Variants in HIRA observed in about 807,000 individuals in gnomAD.
HIRA encodes the protein histone cell cycle regulator.
A neutral mutation model predicts 126.6 loss-of-function variants in HIRA; 13 were observed. The ratio of observed to expected loss-of-function variants is 0.10; its 90% CI spans 0.07 to 0.16. HIRA has a LOEUF of 0.16. Ranked by LOEUF, HIRA falls within the 10% of genes least tolerant of loss-of-function variation. HIRA has a pLI of 1.00. For synonymous variants in HIRA, 511 were observed against 520.0 expected (o/e 0.98, Z 0.24); for missense variants, 834 against 1,314.4 (o/e 0.63, Z 5.65).
intron 15 of HIRA, among the ~76,000 whole-genome samples, chr22:19,364,568 G>A (rs892863999): frequency 6.6e-6 from 1 of 152,100 alleles, no homozygotes; most frequent in Non-Finnish European, 1.5e-5. Context: ...TTGGTGATCT[G>A]CCATTAGTGA....
chr22:19,399,847 T>C (rs2089253477), intron 5 of HIRA, among the ~76,000 whole-genome samples: 2 of 152,260 alleles, frequency 1.3e-5, no homozygotes, highest in Admixed American at 1.3e-4. Flanking sequence ...GTTTTTGGAC[T>C]GATTTGCTGA....
chr22:19,378,060 G>A lies in HIRA; in HGVS notation c.1422C>T (p.Phe474=). 6.4e-7 allele frequency: 1 copy of A among 1,571,744 alleles called. No individual in the cohort carries two copies. The highest frequency in any genetic ancestry group is 2.3e-5 in the East Asian group (1 of 43,576). The change falls in exon 14 of 25, where the codon TTC becomes TTT. Residue 474 remains phenylalanine, a synonymous_variant. Coordinates refer to ENST00000263208, the MANE Select transcript of HIRA (RefSeq NM_003325.4). ...LCIAQLDTGD[F]STAFFNSIPL... ...GGATGCTGTTAAAGAATGCCGTGGA[G>A]AAGTCCCTGTCATCAAGTAAGAACA...
At chr22:19,355,728 C>T (rs2088805410) in intron 21 of HIRA, 32 bp downstream of exon 21, 2 of 1,487,738 alleles carry the variant, frequency 1.3e-6, no homozygotes, top group South Asian at 2.3e-5. Context: ...GACACTCTTC[C>T]AGGGAATAGG....
At chr22:19,394,987 C>T (rs1310124899) in intron 7 of HIRA, among the ~76,000 whole-genome samples, 5 of 152,228 alleles carry the variant, frequency 3.3e-5, no homozygotes, top group East Asian at 3.9e-4. Flanking sequence ...GACTGTGAGG[C>T]ACCACCTACT....
At chr22:19,412,571 C>T (rs11704032) in intron 1 of HIRA, among the ~76,000 whole-genome samples, 9,523 of 152,236 alleles carry the variant, frequency 0.063, 407 homozygotes, top group Middle Eastern at 0.17. Flanking sequence ...GCAATCAGGG[C>T]GGAACATTCC....
chr22:19,362,128 C>T (rs1043327604), intron 15 of HIRA, among the ~76,000 whole-genome samples, 197 bp from the exon 16 acceptor site: 3 of 152,194 alleles, frequency 2.0e-5, no homozygotes, highest in Middle Eastern at 3.4e-3. Context: ...GAATCTGTTG[C>T]CAGAAGACCT....
At chr22:19,370,980 A>G (rs1056337195) in intron 15 of HIRA, among the ~76,000 whole-genome samples, 1 of 152,310 alleles carries the variant, frequency 6.6e-6, no homozygotes, top group Admixed American at 6.5e-5. Flanking sequence ...TGTCTCCAGA[A>G]GCCAATCTAA....
chr22:19,390,528 T>C (rs867536578), intron 9 of HIRA, among the ~76,000 whole-genome samples: 4 of 138,300 alleles, frequency 2.9e-5, no homozygotes, highest in Admixed American at 2.4e-4. Context: ...GAGGCAGAGG[T>C]TGCAGTGACT....
Position 19,361,322 on chromosome 22 carries a change from G to A in HIRA, c.2000C>T (p.Ala667Val), listed in dbSNP as rs982226028. Residue 667 changes from alanine to valine, a missense_variant, in exon 17 of 25, where the codon GCA (alanine) becomes GTA (valine). By Grantham distance (64) the Ala-to-Val change is moderately conservative. Around this residue, in one of 5 missense-constraint regions of HIRA, gnomAD observed 468 missense variants for 574.2 expected, o/e 0.82. Coordinates refer to ENST00000263208, the MANE Select transcript of HIRA (RefSeq NM_003325.4). ...AGACAGACACATGGCCTCCTTCTCT[G>A]CGGTTAGGGCAGCTGGAGACTGGAA... The part of the protein sequence containing the change: ...LSVQSPAALT[A>V]EKEAMCLSAP... 1.2e-6 allele frequency: 2 copies of A among 1,614,174 alleles called. No individual in the cohort carries two copies. The highest frequency in any genetic ancestry group is 1.7e-6 in the Non-Finnish European group (2 of 1,179,998).
At chr22:19,332,900 A>G (rs1197188469) in intron 24 of HIRA, among the ~76,000 whole-genome samples, 2 of 152,126 alleles carry the variant, frequency 1.3e-5, no homozygotes, top group African/African-American at 2.4e-5. Flanking sequence ...AGATTTAGAA[A>G]AACAATTTTA....
intron 12 of HIRA, among the ~76,000 whole-genome samples, chr22:19,384,121 C>A (rs1025284819): frequency 6.6e-6 from 1 of 151,946 alleles, no homozygotes; most frequent in African/African-American, 2.4e-5. Flanking sequence ...AGATCGAGAC[C>A]ATTCTGGCCA....
chr22:19,352,628 C>T lies in HIRA; in HGVS notation c.2848+728G>A, dbSNP rs144680952. Among the ~76,000 whole-genome samples the T allele has an allele frequency of 6.7e-3, 1,023 of 152,220 alleles. 11 individuals carry two copies. The highest frequency in any genetic ancestry group is 0.022 in the African/African-American group (932 of 41,524). On this transcript the variant is annotated intron_variant, in intron 23 of 24. Coordinates refer to ENST00000263208, the MANE Select transcript of HIRA (RefSeq NM_003325.4). ...GACATGTTAGTTCTGGGAATTACAT[C>T]CGTGAAGGTCTGATTATGATTTTCT...
Position 19,394,291 on chromosome 22 carries a change from A to G in HIRA, c.822+51T>C, listed in dbSNP as rs775021304. 29 of 1,577,302 alleles carry G rather than the reference A, an allele frequency of 1.8e-5. 1 individual carries two copies. Among genetic ancestry groups the G allele is most frequent in the South Asian group, 1.0e-4 (9 of 89,164 alleles). On this transcript the variant is annotated intron_variant, in intron 8 of 24. Coordinates refer to ENST00000263208, the MANE Select transcript of HIRA (RefSeq NM_003325.4). ...ACTATTCAAAATAAACCAAGAATTAATATTTGCTGAATCTTGGAGCCCATC... is the reference window on the plus strand; with the variant it reads ...ACTATTCAAAATAAACCAAGAATTAGTATTTGCTGAATCTTGGAGCCCATC...
intron 24 of HIRA, chr22:19,350,945 C>G (rs2088750531): frequency 1.2e-5 from 2 of 170,980 alleles, no homozygotes; most frequent in Admixed American, 6.5e-5. Flanking sequence ...CAGGCACTCT[C>G]ATCTGAAGAC....
At chr22:19,418,782 T>C (rs1384567609) in intron 1 of HIRA, among the ~76,000 whole-genome samples, 2 of 152,036 alleles carry the variant, frequency 1.3e-5, no homozygotes, top group South Asian at 4.1e-4. Flanking sequence ...GGAAATAAAT[T>C]TTAAAAAATA....
intron 15 of HIRA, among the ~76,000 whole-genome samples, chr22:19,374,047 T>C (rs2146208527): frequency 6.6e-6 from 1 of 151,938 alleles, no homozygotes; most frequent in Non-Finnish European, 1.5e-5. Flanking sequence ...TTTAGAAGCA[T>C]GGAGACCGCG....
At chr22:19,423,482 T>TAC (rs777914879) in intron 1 of HIRA, among the ~76,000 whole-genome samples, 12,993 of 111,016 alleles carry the variant, frequency 0.12, 630 homozygotes, top group Middle Eastern at 0.14. Flanking sequence ...CACACATGCA[T>TAC]ACACACACAC....
At chr22:19,340,675 G>A (rs1271679754) in intron 24 of HIRA, among the ~76,000 whole-genome samples, 1 of 151,864 alleles carries the variant, frequency 6.6e-6, no homozygotes, top group Non-Finnish European at 1.5e-5. Context: ...AAACTTTCAG[G>A]GTACAAAATC....
chr22:19,415,841 T>C (rs532747254), intron 1 of HIRA, among the ~76,000 whole-genome samples: 150 of 151,556 alleles, frequency 9.9e-4, no homozygotes, highest in Non-Finnish European at 1.7e-3. Context: ...CTTAATGCAA[T>C]CCCTATGAAA....
Sources: allele counts gnomAD v4.1 joint callset (sites outside exome capture counted in the v4.1 genomes callset), GRCh38; gene constraint gnomAD v4.1.1; regional missense constraint gnomAD v4.1.1; transcripts MANE v1.5; gene names NCBI Gene and HGNC (gene_info 2026-07-23, HGNC 2026-07-21).